Variants in MDFIC observed in about 807,000 individuals in gnomAD.
MDFIC encodes myoD family inhibitor domain-containing protein.
In MDFIC, 17 loss-of-function variants were observed where a neutral mutation model predicts 23.2. The ratio of observed to expected loss-of-function variants is 0.73; its 90% confidence interval spans 0.50 to 1.10. MDFIC has a LOEUF of 1.10. Among genes scored for constraint, MDFIC ranks in the 50% least tolerant of loss-of-function variants. The pLI is 0.00. For synonymous variants in MDFIC, 120 were observed against 115.2 expected, an observed-to-expected ratio of 1.04 and a Z score of -0.27; for missense variants, 356 against 316.6, an observed-to-expected ratio of 1.12 and a Z score of -0.95.
intron 4 of MDFIC, among the ~76,000 whole-genome samples, chr7:114,982,825 C>G (rs1482034718): frequency 6.6e-6 from 1 of 152,152 alleles, no homozygotes; most frequent in Admixed American, 6.5e-5. Flanking sequence ...CTGGAGATGA[C>G]CATTTTCTGC....
chr7:114,987,139 A>T (rs12537464), intron 4 of MDFIC, among the ~76,000 whole-genome samples: 2 of 152,086 alleles, frequency 1.3e-5, no homozygotes, highest in East Asian at 3.9e-4. Context: ...CAGAGATCCT[A>T]CTTCCCAGCC....
intron 4 of MDFIC, among the ~76,000 whole-genome samples, chr7:114,991,347 A>G (rs1174740204): frequency 6.6e-6 from 1 of 152,072 alleles, no homozygotes; most frequent in Non-Finnish European, 1.5e-5. Context: ...GAAGCTCTTT[A>G]GTTTAATTAG....
intron 3 of MDFIC, among the ~76,000 whole-genome samples, chr7:114,963,386 C>T (rs903769019): frequency 3.9e-5 from 6 of 152,160 alleles, no homozygotes; most frequent in Non-Finnish European, 8.8e-5. Context: ...CCTTGTTCGG[C>T]TTCAGGGCTT....
intron 2 of MDFIC, among the ~76,000 whole-genome samples, chr7:114,940,081 A>G (rs1483474854): frequency 6.6e-6 from 1 of 152,232 alleles, no homozygotes; most frequent in African/African-American, 2.4e-5. Flanking sequence ...TTTAATTGAA[A>G]CTAACATATC....
chr7:114,932,946 C>G (rs1792344254), intron 2 of MDFIC, among the ~76,000 whole-genome samples: 2 of 152,138 alleles, frequency 1.3e-5, no homozygotes. Context: ...CTTCTCTGTC[C>G]TCTATTTATT....
chr7:114,971,485 G>A (rs913143204), intron 3 of MDFIC, among the ~76,000 whole-genome samples: 1 of 152,142 alleles, frequency 6.6e-6, no homozygotes, highest in Admixed American at 6.6e-5. Context: ...TATCAGAAAA[G>A]CGTTCTGCAT....
intron 2 of MDFIC, chr7:114,923,724 AC>A: frequency 8.3e-7 from 1 of 1,208,460 alleles, no homozygotes; most frequent in Admixed American, 3.6e-5. Context: ...CCTATAAAAT[AC>A]TCTTGTGTCT....
chr7:114,975,734 C>T (rs377380622), intron 3 of MDFIC, among the ~76,000 whole-genome samples: 5 of 151,936 alleles, frequency 3.3e-5, no homozygotes, highest in Non-Finnish European at 7.4e-5. Context: ...AAGTCATACC[C>T]ATAAATAATT....
chr7:115,005,491 A>G (rs527672421), intron 4 of MDFIC, among the ~76,000 whole-genome samples: 1 of 152,344 alleles, frequency 6.6e-6, no homozygotes, highest in Admixed American at 6.5e-5. Flanking sequence ...GGAGGTAATG[A>G]GCTGTGACAG....
intron 3 of MDFIC, among the ~76,000 whole-genome samples, chr7:114,962,507 T>C (rs964408589): frequency 3.9e-5 from 6 of 152,214 alleles, no homozygotes; most frequent in African/African-American, 1.4e-4. Context: ...AAAACTGCCC[T>C]TGGTCATCAT....
chr7:114,954,316 C>T (rs1450876238), intron 3 of MDFIC, among the ~76,000 whole-genome samples: 2 of 152,206 alleles, frequency 1.3e-5, no homozygotes, highest in Non-Finnish European at 2.9e-5. Flanking sequence ...CTTGTCTTCA[C>T]CTGACTGTTT....
At position 114,942,414 on chromosome 7, in the gene MDFIC, A is replaced by G; in HGVS notation, c.217+17A>G. ...TCATTAGAAGTAAGTATTTTTAGAA[A>G]AAACTTTGAGTGATTTTGGGATATG... On this transcript the variant is annotated intron_variant, in intron 3 of 4. Coordinates refer to ENST00000393486, the MANE Select transcript of MDFIC (RefSeq NM_001166345.3). 1 of 1,557,132 alleles carries G rather than the reference A, an allele frequency of 6.4e-7. No homozygotes were observed. The highest frequency in any genetic ancestry group is 1.2e-5 in the South Asian group (1 of 81,310).
intron 4 of MDFIC, 62 bp from the exon 5 acceptor site, chr7:115,015,626 A>G (rs1791779336): frequency 6.4e-7 from 1 of 1,565,482 alleles, no homozygotes; most frequent in Non-Finnish European, 8.7e-7. Context: ...GTCAATTGAT[A>G]ACACGTATTT....
At position 114,962,503 on chromosome 7, in the gene MDFIC, G is replaced by T. The variant is rs191315446; in HGVS notation, c.218-17003G>T. On this transcript the variant is annotated intron_variant, in intron 3 of 4. Transcript: ENST00000393486. ...AGGGTTTGCCTTTATGATAAAAACT[G>T]CCCTTGGTCATCATTCTAACCGTCC... Among the ~76,000 whole-genome samples, 3 of 152,210 alleles carry T rather than the reference G, an allele frequency of 2.0e-5. No homozygotes were observed. In the East Asian group the frequency reaches 5.8e-4, roughly 29 times the overall value.
chr7:114,962,216 CA>C, intron 3 of MDFIC, among the ~76,000 whole-genome samples: 1 of 152,120 alleles, frequency 6.6e-6, no homozygotes, highest in African/African-American at 2.4e-5. Context: ...CTGTGTTTCT[CA>C]ATGGACAAAT....
At chr7:114,990,282 G>C (rs1481997676) in intron 4 of MDFIC, among the ~76,000 whole-genome samples, 5 of 151,760 alleles carry the variant, frequency 3.3e-5, no homozygotes, top group Admixed American at 2.6e-4. Context: ...TTGAGAATCT[G>C]ACAAGAGTTA....
rs1791844353 is a variant in MDFIC at position 115,018,702 on chromosome 7, AC to A, written c.*2769del. The A allele has an allele frequency of 6.6e-6, 1 of 152,410 alleles. No individual in the cohort carries two copies. The highest frequency in any genetic ancestry group is 2.4e-5 in the African/African-American group (1 of 41,440). The allele number at this position is 152,410 out of a possible 1,614,324, so 9.4% of individuals were successfully genotyped here. ...GGCTTTTAAAATATTTTAAAACTGG[AC>A]CTGTATTATCCTGAATACACTATTT... On this transcript the variant is annotated 3_prime_UTR_variant, in exon 5 of 5. Coordinates refer to ENST00000393486, the MANE Select transcript of MDFIC (RefSeq NM_001166345.3).
chr7:114,946,086 A>G (rs905183913), intron 3 of MDFIC, among the ~76,000 whole-genome samples: 4 of 152,230 alleles, frequency 2.6e-5, no homozygotes, highest in African/African-American at 9.6e-5. Context: ...TAATTTTTCT[A>G]TTTAACCCGT....
In MDFIC at chr7:114,922,100, T is replaced by A. The variant is rs1792089665; in HGVS notation, c.-644T>A. On this transcript the variant is annotated 5_prime_UTR_variant, in exon 1 of 5. Coordinates refer to ENST00000393486, the MANE Select transcript of MDFIC (RefSeq NM_001166345.3). ...GGCAGCCAGGGACCTGCCCATTCAC[T>A]CCCCTTTCCCAGCCCCGGGAGGGCG... The A allele has an allele frequency of 7.1e-6, 2 of 282,834 alleles. No homozygotes were observed. Among genetic ancestry groups the A allele is most frequent in the African/African-American group, 4.4e-5 (2 of 45,862 alleles). The allele number at this position is 282,834 out of a possible 1,614,324, so 17.5% of individuals were successfully genotyped here.
Sources: allele counts gnomAD v4.1 joint callset (sites outside exome capture counted in the v4.1 genomes callset), GRCh38; gene constraint gnomAD v4.1.1; transcripts MANE v1.5; gene names NCBI Gene and HGNC (gene_info 2026-07-23, HGNC 2026-07-21).